COL14A1: variants seen among roughly 807,000 people sequenced by gnomAD.
COL14A1 encodes the protein collagen type XIV alpha 1 chain.
Under a neutral mutation model 230.3 loss-of-function variants are expected in COL14A1, and 136 were observed. The observed-to-expected ratio is 0.59, with a 90% confidence interval of 0.51 to 0.68. COL14A1 has a LOEUF of 0.68. COL14A1 is among the 30% of genes least tolerant of loss of function. COL14A1 has a pLI of 0.00. For missense variants in COL14A1, 1,976 were observed against 2,215.8 expected, an observed-to-expected ratio of 0.89 and a Z score of 2.17; for synonymous variants, 792 against 784.1, an observed-to-expected ratio of 1.01 and a Z score of -0.17.
intron 40 of COL14A1, among the ~76,000 whole-genome samples, chr8:120,317,168 TG>T (rs2130124053): frequency 6.6e-6 from 1 of 152,290 alleles, no homozygotes; most frequent in Non-Finnish European, 1.5e-5. Context: ...ACAGCACATC[TG>T]GTGTTCACTG....
intron 4 of COL14A1, 22 bp from the exon 5 acceptor site, chr8:120,168,139 T>G (rs765307871): frequency 6.6e-7 from 1 of 1,508,926 alleles, no homozygotes; most frequent in South Asian, 1.1e-5. Flanking sequence ...AACATGGTGC[T>G]GTATCTCTAC....
chr8:120,252,501 GC>G (rs1249157487), intron 22 of COL14A1, among the ~76,000 whole-genome samples: 1 of 152,180 alleles, frequency 6.6e-6, no homozygotes, highest in African/African-American at 2.4e-5. Context: ...AACAGCACAT[GC>G]CCCACTCTTG....
intron 8 of COL14A1, among the ~76,000 whole-genome samples, chr8:120,200,775 A>G (rs1049243911): frequency 7.9e-5 from 9 of 113,246 alleles, no homozygotes; most frequent in Non-Finnish European, 1.7e-4. Context: ...ATTATTTTTC[A>G]TCAGAGGAGG....
intron 24 of COL14A1, among the ~76,000 whole-genome samples, chr8:120,265,676 AT>A (rs1459372965): frequency 6.6e-6 from 1 of 151,718 alleles, no homozygotes; most frequent in Non-Finnish European, 1.5e-5. Flanking sequence ...CGTAAGTTTT[AT>A]TTTTCACAAA....
At chr8:120,367,764 C>CT (rs140645434) in intron 46 of COL14A1, among the ~76,000 whole-genome samples, 2,665 of 151,234 alleles carry the variant, frequency 0.018, 81 homozygotes, top group African/African-American at 0.062. Context: ...GACGAAACCC[C>CT]ATTTCTACCA....
intron 40 of COL14A1, among the ~76,000 whole-genome samples, chr8:120,318,986 A>G (rs1410185947): frequency 5.9e-5 from 9 of 152,134 alleles, no homozygotes. Flanking sequence ...ACTCTAGGGA[A>G]AGGAGGAGGA....
In COL14A1 at chr8:120,332,591, G is replaced by A. The variant is rs185476539; in HGVS notation, c.4714-73G>A. On this transcript the variant is annotated intron_variant, in intron 41 of 47. Transcript: ENST00000297848. ...ATCATGGTGTGTATTTGTTACTCTT[G>A]CTTAAAAGTTGGCTGTCATTGATGA... The A allele has an allele frequency of 1.5e-4, 190 of 1,266,006 alleles. 1 individual carries two copies. In the African/African-American group the frequency reaches 2.0e-3, roughly 13 times the overall value. 78.4% of individuals were successfully genotyped at this position (1,266,006 alleles called of 1,614,324 possible). A position where few individuals can be genotyped will look rare whatever the true frequency, so the allele number is the denominator to read the frequency against.
chr8:120,290,596 G>A (rs2129964467), intron 34 of COL14A1, among the ~76,000 whole-genome samples: 1 of 152,244 alleles, frequency 6.6e-6, no homozygotes, highest in South Asian at 2.1e-4. Flanking sequence ...CACTTTCATA[G>A]ATCTGTAGAA....
rs1822079892 is a variant in COL14A1 at position 120,336,602 on chromosome 8, T to TCAC, written c.4785+3868_4785+3870dup. 6.6e-5 allele frequency among the ~76,000 whole-genome samples: 10 copies of TCAC among 152,282 alleles called. No individual in the cohort carries two copies. In the South Asian group the frequency reaches 2.1e-3, roughly 32 times the overall value. ...CATCTTTTAGTGCAACTCCCTCGTGTCACTGTCTGGCTTCAATCTCTTCCC... is the reference window on the plus strand; with the variant it reads ...CATCTTTTAGTGCAACTCCCTCGTGTCACCACTGTCTGGCTTCAATCTCTTCCC... On this transcript the variant is annotated intron_variant, in intron 42 of 47. Transcript: ENST00000297848.
intron 34 of COL14A1, among the ~76,000 whole-genome samples, chr8:120,292,079 A>G (rs1236935606): frequency 6.6e-6 from 1 of 152,120 alleles, no homozygotes; most frequent in Non-Finnish European, 1.5e-5. Context: ...TAGTCCCATA[A>G]TATATATTGT....
chr8:120,262,799 A>G, intron 23 of COL14A1, 69 bp from the exon 24 acceptor site: 1 of 1,489,340 alleles, frequency 6.7e-7, no homozygotes. Flanking sequence ...GAAGCAAATC[A>G]TCTGCCAATG....
At chr8:120,214,978 G>A (rs756051532) in intron 13 of COL14A1, among the ~76,000 whole-genome samples, 17 of 152,308 alleles carry the variant, frequency 1.1e-4, no homozygotes, top group Non-Finnish European at 2.2e-4. Context: ...ATGAGCATGC[G>A]TGGCAGGTTC....
chr8:120,237,374 G>A (rs942110183), intron 19 of COL14A1, among the ~76,000 whole-genome samples: 7 of 152,056 alleles, frequency 4.6e-5, no homozygotes, highest in African/African-American at 1.7e-4. Flanking sequence ...TTCAATCTCT[G>A]ATATCCTTTC....
At chr8:120,279,871 T>C in intron 28 of COL14A1, 64 bp from the exon 29 acceptor site, 1 of 1,557,580 alleles carries the variant, frequency 6.4e-7, no homozygotes, top group Non-Finnish European at 8.8e-7. Flanking sequence ...ATGTGTCTTA[T>C]ATTACATTAT....
chr8:120,208,410 G>T, intron 11 of COL14A1, 49 bp downstream of exon 11: 4 of 1,562,932 alleles, frequency 2.6e-6, no homozygotes, highest in Non-Finnish European at 3.5e-6. Context: ...GTGCTGCTTA[G>T]GAGGCCTTTC....
Position 120,372,877 on chromosome 8 carries a change from G to A in COL14A1, c.*1646G>A, listed in dbSNP as rs187991303. 1.2e-4 allele frequency among the ~76,000 whole-genome samples: 19 copies of A among 152,180 alleles called. No homozygotes were observed. In the East Asian group the frequency reaches 3.5e-3, roughly 28 times the overall value. On this transcript the variant is annotated 3_prime_UTR_variant, in exon 48 of 48. Transcript: ENST00000297848. ...TCAGTTTTTTTGGTGTCTTTGCAGG[G>A]AATGAAAGAAGATAATGAGCAGATA...
chr8:120,280,243 C>T, intron 29 of COL14A1, 144 bp downstream of exon 29: 2 of 971,040 alleles, frequency 2.1e-6, no homozygotes, highest in South Asian at 3.3e-5. Context: ...AGTTTTGTGG[C>T]TTTGAGCATA....
At chr8:120,237,085 G>T (rs10113774) in intron 19 of COL14A1, among the ~76,000 whole-genome samples, 4,745 of 150,474 alleles carry the variant, frequency 0.032, 114 homozygotes, top group Non-Finnish European at 0.048. Context: ...TGAATCTGAT[G>T]ATTGGGGTTG....
intron 4 of COL14A1, among the ~76,000 whole-genome samples, chr8:120,166,071 C>T (rs891556576): frequency 7.9e-5 from 12 of 152,080 alleles, no homozygotes; most frequent in East Asian, 1.9e-4. Flanking sequence ...GTCAGGTGGG[C>T]TGTGTGCAGC....
Sources: allele counts gnomAD v4.1 joint callset (sites outside exome capture counted in the v4.1 genomes callset), GRCh38; gene constraint gnomAD v4.1.1; transcripts MANE v1.5; gene names NCBI Gene and HGNC (gene_info 2026-07-23, HGNC 2026-07-21).